KIF18A: variants seen among roughly 807,000 people sequenced by gnomAD.
KIF18A encodes the protein kinesin-like protein KIF18A.
In KIF18A, 67 loss-of-function variants were observed where a neutral mutation model predicts 103.3. The observed-to-expected ratio is 0.65, with a 90% CI of 0.53 to 0.79. The LOEUF (loss-of-function observed/expected upper bound fraction) is 0.79. Among genes scored for constraint, KIF18A ranks in the 30% least tolerant of loss-of-function variants. The pLI is 0.00. For synonymous variants in KIF18A, 367 were observed against 355.5 expected (o/e 1.03, Z -0.36); for missense variants, 1,032 against 1,062.5 (o/e 0.97, Z 0.40).
intron 1 of KIF18A, among the ~76,000 whole-genome samples, chr11:28,100,131 C>T (rs1245436374): frequency 6.6e-6 from 1 of 151,976 alleles, no homozygotes; most frequent in Admixed American, 6.6e-5. Flanking sequence ...AAGTAGTCAC[C>T]AACTGAGATG....
chr11:28,080,333 T>C (rs1263869682), intron 9 of KIF18A, among the ~76,000 whole-genome samples: 1 of 150,520 alleles, frequency 6.6e-6, no homozygotes, highest in East Asian at 2.0e-4. Context: ...TGTTTTATTG[T>C]GCTTTGCAGA....
At chr11:28,041,400 T>C (rs936614409) in intron 13 of KIF18A, among the ~76,000 whole-genome samples, 6 of 151,380 alleles carry the variant, frequency 4.0e-5, no homozygotes, top group Non-Finnish European at 8.9e-5. Flanking sequence ...GCAGAAAAAA[T>C]AGCATGTGCA....
chr11:28,033,698 A>T (rs1850441360), intron 15 of KIF18A, among the ~76,000 whole-genome samples: 1 of 151,682 alleles, frequency 6.6e-6, no homozygotes, highest in South Asian at 2.1e-4. Context: ...AATGATGGTT[A>T]CCAGAGGCTG....
chr11:28,076,942 A>G, intron 10 of KIF18A, 65 bp downstream of exon 10: 15 of 831,340 alleles, frequency 1.8e-5, no homozygotes, highest in Admixed American at 3.9e-5. Context: ...TCTGAAAAAA[A>G]AAAAAAAAAA....
intron 13 of KIF18A, among the ~76,000 whole-genome samples, chr11:28,055,469 C>A (rs1320577433): frequency 6.6e-6 from 1 of 152,100 alleles, no homozygotes; most frequent in Non-Finnish European, 1.5e-5. Flanking sequence ...GAAGAGCTGG[C>A]AGAAAAGCAT....
Position 28,036,619 on chromosome 11 carries a change from T to G in KIF18A, c.1994A>C (p.Lys665Thr). Residue 665 changes from lysine (K) to threonine (T), a missense_variant, in exon 14 of 17, where the codon AAA becomes ACA. Transcript: ENST00000263181. Reference protein sequence around the residue: ...GTNLVKIPTEKRTRRKLMPSP... With the variant: ...GTNLVKIPTETRTRRKLMPSP... ...TGGCATTAGTTTTCTCCGAGTTCTT[T>G]TTTCTGTAGGAATCTTAACCAGATT... is the stretch of plus-strand genomic sequence containing the variant. 1 of 1,610,182 alleles carries G rather than the reference T, an allele frequency of 6.2e-7. No individual in the cohort carries two copies. Among genetic ancestry groups the G allele is most frequent in the Non-Finnish European group, 8.5e-7 (1 of 1,177,720 alleles).
At chr11:28,024,204 A>AAC (rs1850283951) in intron 15 of KIF18A, among the ~76,000 whole-genome samples, 1 of 151,336 alleles carries the variant, frequency 6.6e-6, no homozygotes, top group African/African-American at 2.4e-5. Context: ...AAAAAAAAAA[A>AAC]AAAAAAACTA....
At position 28,065,658 on chromosome 11, in the gene KIF18A, C is replaced by T. The variant is rs1017687020; in HGVS notation, c.1591-3142G>A. Among the ~76,000 whole-genome samples, 106 of 151,952 alleles carry T rather than the reference C, an allele frequency of 7.0e-4. 11 individuals carry two copies. Among genetic ancestry groups the T allele is most frequent in the African/African-American group, 2.4e-5 (1 of 41,384 alleles). The stretch of plus-strand genomic sequence containing the variant: ...TAATGATATCAGAAACAATACCATA[C>T]CATTTTTAAAATTGGAAGCTTACGG... On this transcript the variant is annotated intron_variant, in intron 11 of 16. Coordinates refer to ENST00000263181, the MANE Select transcript of KIF18A (RefSeq NM_031217.4).
chr11:28,082,757 T>A (rs1851181320), intron 9 of KIF18A, 99 bp downstream of exon 9: 3 of 672,142 alleles, frequency 4.5e-6, no homozygotes, highest in Admixed American at 2.9e-5. Flanking sequence ...CATATCTATG[T>A]ACATATAAAA....
Position 28,025,745 on chromosome 11 carries a change from T to C in KIF18A, c.2505-1895A>G, listed in dbSNP as rs61890145. ...AACTGATGAGCGCAAGTTCAAATTA[T>C]GTTAAAGGCTATACTGAAAAATCCA... On this transcript the variant is annotated intron_variant, in intron 15 of 16. Coordinates refer to ENST00000263181, the MANE Select transcript of KIF18A (RefSeq NM_031217.4). Among the ~76,000 whole-genome samples, 999 of 152,118 alleles carry C rather than the reference T, an allele frequency of 6.6e-3. 2 individuals are homozygous for C. The highest frequency in any genetic ancestry group is 0.011 in the Non-Finnish European group (721 of 67,866).
At chr11:28,083,003 G>A (rs753718579) in intron 8 of KIF18A, 35 bp from the exon 9 acceptor site, 4 of 1,480,924 alleles carry the variant, frequency 2.7e-6, no homozygotes, top group Non-Finnish European at 3.7e-6. Context: ...AAATACAAAA[G>A]AAGTCATTTA....
chr11:28,068,032 G>A (rs987836877), intron 11 of KIF18A, among the ~76,000 whole-genome samples: 1 of 152,124 alleles, frequency 6.6e-6, no homozygotes, highest in African/African-American at 2.4e-5. Flanking sequence ...GCCCATCAAT[G>A]ATAGGCTGGA....
intron 15 of KIF18A, among the ~76,000 whole-genome samples, chr11:28,031,672 A>G (rs982275741): frequency 6.6e-6 from 1 of 151,710 alleles, no homozygotes; most frequent in African/African-American, 2.4e-5. Flanking sequence ...GTGGAACTTA[A>G]AGCATAAAAA....
In KIF18A at chr11:28,038,484, T is replaced by C. The variant is rs1257621102; in HGVS notation, c.1949-1820A>G. ...ATTACGTGTATTTCCATTCACGTTGTCTAATCATGAAGTAAAATTCCCAGT... is the reference window on the plus strand; with the variant it reads ...ATTACGTGTATTTCCATTCACGTTGCCTAATCATGAAGTAAAATTCCCAGT... On this transcript the variant is annotated intron_variant, in intron 13 of 16. Transcript: ENST00000263181. Among the ~76,000 whole-genome samples, 5 of 151,678 alleles carry C rather than the reference T, an allele frequency of 3.3e-5. No individual in the cohort carries two copies. The South Asian group carries it at 1.0e-3, about 31-fold the overall frequency.
intron 13 of KIF18A, among the ~76,000 whole-genome samples, chr11:28,040,962 A>T (rs567486658): frequency 1.7e-4 from 26 of 151,906 alleles, no homozygotes; most frequent in African/African-American, 5.8e-4. Context: ...CAAAAAATTT[A>T]AAAGAAAAAA....
intron 3 of KIF18A, among the ~76,000 whole-genome samples, chr11:28,093,585 G>A (rs1415468288): frequency 6.6e-6 from 1 of 151,980 alleles, no homozygotes; most frequent in African/African-American, 2.4e-5. Context: ...ATTTCAAAAG[G>A]ACACAAGAGA....
chr11:28,067,589 C>T (rs1219935041), intron 11 of KIF18A, among the ~76,000 whole-genome samples: 1 of 152,110 alleles, frequency 6.6e-6, no homozygotes, highest in Non-Finnish European at 1.5e-5. Context: ...TACTTTTGAA[C>T]ATTTAAAGAT....
rs946948661 is a variant in KIF18A, at chr11:28,020,916, A to G, written c.*284T>C. 1.7e-5 allele frequency: 3 copies of G among 180,118 alleles called. No homozygotes were observed. The highest frequency in any genetic ancestry group is 7.0e-5 in the African/African-American group (3 of 42,630). 11.2% of individuals were successfully genotyped at this position (180,118 alleles called of 1,614,324 possible). A position where few individuals can be genotyped will look rare whatever the true frequency, so the allele number is the denominator to read the frequency against. ...TGTCCTAGTCAACTTGTTGTGGCAT[A>G]GTAAAACTAAGCTGCCACCATGGTA... On this transcript the variant is annotated 3_prime_UTR_variant, in exon 17 of 17. Coordinates refer to ENST00000263181, the MANE Select transcript of KIF18A (RefSeq NM_031217.4).
rs903599252 is a variant in KIF18A, at chr11:28,095,745, C to T, written c.326-945G>A. On this transcript the variant is annotated intron_variant, in intron 2 of 16. Coordinates refer to ENST00000263181, the MANE Select transcript of KIF18A (RefSeq NM_031217.4). ...ACTCTGTGGGCCAGGCTCGGTGGCTCATCCCTACAATCCCAGTACTTTGGA... is the reference window on the plus strand; with the variant it reads ...ACTCTGTGGGCCAGGCTCGGTGGCTTATCCCTACAATCCCAGTACTTTGGA... 7.9e-5 allele frequency among the ~76,000 whole-genome samples: 12 copies of T among 152,098 alleles called. No individual in the cohort carries two copies. The East Asian group carries it at 2.3e-3, about 30-fold the overall frequency.
Sources: allele counts gnomAD v4.1 joint callset (sites outside exome capture counted in the v4.1 genomes callset), GRCh38; gene constraint gnomAD v4.1.1; transcripts MANE v1.5; gene names NCBI Gene and HGNC (gene_info 2026-07-23, HGNC 2026-07-21).